SNX3: variants seen among roughly 807,000 people sequenced by gnomAD.
SNX3 encodes sorting nexin 3.
A neutral mutation model predicts 17.7 loss-of-function variants in SNX3; 5 were observed. The ratio of observed to expected loss-of-function variants is 0.28; its 90% CI spans 0.15 to 0.59. The LOEUF (loss-of-function observed/expected upper bound fraction) is 0.59, where lower values mean the gene tolerates loss of function less well. SNX3 is among the 20% of genes least tolerant of loss of function. SNX3 has a pLI of 0.88. For missense variants in SNX3, 132 were observed against 206.8 expected, an observed-to-expected ratio of 0.64 and a Z score of 2.22; for synonymous variants, 91 against 76.5, an observed-to-expected ratio of 1.19 and a Z score of -0.99.
chr6:108,257,542 C>T (rs1268411058), intron 1 of SNX3, among the ~76,000 whole-genome samples: 2 of 152,104 alleles, frequency 1.3e-5, no homozygotes, highest in Non-Finnish European at 2.9e-5. Flanking sequence ...AAATATTAAA[C>T]TATTCATGTC....
chr6:108,256,960 A>G (rs1160780855), intron 1 of SNX3, among the ~76,000 whole-genome samples: 1 of 152,244 alleles, frequency 6.6e-6, no homozygotes. Flanking sequence ...CTTAAACACT[A>G]TCCTCAAACC....
intron 3 of SNX3, among the ~76,000 whole-genome samples, chr6:108,213,990 T>G (rs1229203660): frequency 6.6e-6 from 1 of 152,180 alleles, no homozygotes; most frequent in African/African-American, 2.4e-5. Flanking sequence ...GCTAAAAATA[T>G]TGGTTTGAGC....
chr6:108,229,041 C>G (rs1036053680), intron 1 of SNX3, among the ~76,000 whole-genome samples: 1 of 151,868 alleles, frequency 6.6e-6, no homozygotes, highest in Non-Finnish European at 1.5e-5. Context: ...GGGTGGATCA[C>G]TTGAGGTCAG....
intron 1 of SNX3, among the ~76,000 whole-genome samples, chr6:108,259,275 C>T (rs1776118462): frequency 6.6e-6 from 1 of 152,222 alleles, no homozygotes; most frequent in South Asian, 2.1e-4. Flanking sequence ...CTCTTGTTGC[C>T]CAGGCTGGAG....
At chr6:108,221,141 T>C (rs146999267) in intron 2 of SNX3, among the ~76,000 whole-genome samples, 14 of 152,316 alleles carry the variant, frequency 9.2e-5, no homozygotes, top group East Asian at 3.9e-4. Flanking sequence ...TATGAATTTA[T>C]AAATAAGTTA....
At chr6:108,244,473 C>G (rs898358678) in intron 1 of SNX3, among the ~76,000 whole-genome samples, 1 of 151,938 alleles carries the variant, frequency 6.6e-6, no homozygotes, top group Admixed American at 6.6e-5. Context: ...CTGTTTGTTT[C>G]CATATTTATT....
chr6:108,250,398 G>A (rs1775815941), intron 1 of SNX3, among the ~76,000 whole-genome samples: 1 of 152,098 alleles, frequency 6.6e-6, no homozygotes, highest in Non-Finnish European at 1.5e-5. Context: ...GAAGAAATGG[G>A]TATGCTGTGT....
At chr6:108,246,480 A>C (rs1775694744) in intron 1 of SNX3, among the ~76,000 whole-genome samples, 1 of 149,814 alleles carries the variant, frequency 6.7e-6, no homozygotes, top group African/African-American at 2.5e-5. Context: ...ACACACCACC[A>C]TGCCTAATTT....
At chr6:108,248,839 C>T (rs9486838) in intron 1 of SNX3, among the ~76,000 whole-genome samples, 10,872 of 151,912 alleles carry the variant, frequency 0.072, 1,349 homozygotes, top group African/African-American at 0.25. Context: ...TAGCTCACTG[C>T]AGCCTTAACC....
intron 2 of SNX3, among the ~76,000 whole-genome samples, chr6:108,217,201 A>G (rs1774613279): frequency 6.6e-6 from 1 of 151,670 alleles, no homozygotes; most frequent in Non-Finnish European, 1.5e-5. Context: ...AAGGAAAATG[A>G]TAAAAAATGT....
intron 1 of SNX3, among the ~76,000 whole-genome samples, chr6:108,233,376 A>G (rs1305732154): frequency 2.0e-5 from 3 of 152,230 alleles, no homozygotes; most frequent in African/African-American, 4.8e-5. Context: ...AATCTTTAAA[A>G]TGCAAAACTA....
At chr6:108,251,805 T>C (rs1338831910) in intron 1 of SNX3, among the ~76,000 whole-genome samples, 1 of 152,150 alleles carries the variant, frequency 6.6e-6, no homozygotes, top group East Asian at 1.9e-4. Flanking sequence ...GCGCGGTGGC[T>C]CATGCCTGTA....
At chr6:108,259,671 T>A (rs954947067) in intron 1 of SNX3, among the ~76,000 whole-genome samples, 1 of 152,234 alleles carries the variant, frequency 6.6e-6, no homozygotes, top group African/African-American at 2.4e-5. Flanking sequence ...AATACTTAAG[T>A]TTCACAACAA....
intron 1 of SNX3, among the ~76,000 whole-genome samples, chr6:108,237,728 G>C (rs907360165): frequency 3.3e-5 from 5 of 151,878 alleles, no homozygotes; most frequent in Non-Finnish European, 7.4e-5. Context: ...GGCGGAGATT[G>C]CAGTGAGCTG....
intron 1 of SNX3, among the ~76,000 whole-genome samples, chr6:108,248,823 C>T (rs1775766315): frequency 6.6e-6 from 1 of 151,608 alleles, no homozygotes; most frequent in Non-Finnish European, 1.5e-5. Flanking sequence ...TGCAGTGGTA[C>T]CATTATAGCT....
intron 1 of SNX3, among the ~76,000 whole-genome samples, chr6:108,238,101 C>CAAAAAAAAAA (rs11287104): frequency 1.2e-5 from 1 of 85,438 alleles, no homozygotes. Context: ...GATCCTGTCT[C>CAAAAAAAAAA]AAAAAAAAAA....
At chr6:108,258,515 T>C (rs1230648568) in intron 1 of SNX3, among the ~76,000 whole-genome samples, 1 of 152,140 alleles carries the variant, frequency 6.6e-6, no homozygotes, top group East Asian at 1.9e-4. Context: ...AAACCCTTTT[T>C]TCTCTCTCTC....
Position 108,245,335 on chromosome 6 carries a change from ATT to A in SNX3, c.162+15423_162+15424del, listed in dbSNP as rs1775651578. ...ATAGTATTCCACGGTATATACGTGC[ATT>A]TTCTTTATCCAGTCTATCATTGATA... On this transcript the variant is annotated intron_variant, in intron 1 of 3. Transcript: ENST00000230085. Among the ~76,000 whole-genome samples the A allele has an allele frequency of 2.0e-5, 3 of 151,968 alleles. No individual in the cohort carries two copies. The South Asian group carries it at 6.2e-4, about 32-fold the overall frequency.
At chr6:108,222,551 A>G (rs1429235514) in intron 2 of SNX3, among the ~76,000 whole-genome samples, 1 of 152,238 alleles carries the variant, frequency 6.6e-6, no homozygotes, top group Non-Finnish European at 1.5e-5. Flanking sequence ...ACATGAACAT[A>G]TATGTGATGA....
Sources: allele counts gnomAD v4.1 joint callset (sites outside exome capture counted in the v4.1 genomes callset), GRCh38; gene constraint gnomAD v4.1.1; transcripts MANE v1.5; gene names NCBI Gene and HGNC (gene_info 2026-07-23, HGNC 2026-07-21).